CNTNAP5: variants seen among roughly 807,000 people sequenced by gnomAD.
CNTNAP5 encodes the protein contactin associated protein family member 5, also known as contactin-associated protein-like 5.
CNTNAP5 carries 72 observed loss-of-function variants against 150.2 expected under a neutral mutation model. The ratio of observed to expected loss-of-function variants is 0.48; its 90% CI spans 0.40 to 0.58. The LOEUF is 0.58. Ranked by LOEUF, CNTNAP5 falls within the 20% of genes least tolerant of loss-of-function variation. The pLI, the probability that CNTNAP5 is intolerant of heterozygous loss-of-function variation, is 0.00. For missense variants in CNTNAP5, 1,636 were observed against 1,626.2 expected (o/e 1.01, Z -0.10); for synonymous variants, 672 against 619.8 (o/e 1.08, Z -1.25).
At chr2:124,672,831 TATAA>T (rs1353941675) in intron 13 of CNTNAP5, among the ~76,000 whole-genome samples, 2 of 152,022 alleles carry the variant, frequency 1.3e-5, no homozygotes, top group African/African-American at 2.4e-5. Flanking sequence ...TTTAAAGAAA[TATAA>T]ATAATTTCTC....
At chr2:124,771,551 T>C (rs1681192481) in intron 16 of CNTNAP5, among the ~76,000 whole-genome samples, 1 of 152,166 alleles carries the variant, frequency 6.6e-6, no homozygotes, top group Admixed American at 6.6e-5. Flanking sequence ...ATAGGGTGGT[T>C]TTGTGTATTA....
chr2:124,711,541 A>G (rs1679808265), intron 13 of CNTNAP5, among the ~76,000 whole-genome samples: 1 of 152,190 alleles, frequency 6.6e-6, no homozygotes, highest in African/African-American at 2.4e-5. Context: ...AACAGGCAAC[A>G]TGGCTTAAGC....
intron 3 of CNTNAP5, among the ~76,000 whole-genome samples, chr2:124,288,330 C>T (rs767074479): frequency 2.0e-5 from 3 of 152,144 alleles, no homozygotes; most frequent in Non-Finnish European, 4.4e-5. Context: ...CTGCTCAATT[C>T]ACCAATTATA....
intron 21 of CNTNAP5, among the ~76,000 whole-genome samples, chr2:124,892,558 G>A (rs1558815941): frequency 6.6e-6 from 1 of 152,172 alleles, no homozygotes; most frequent in South Asian, 2.1e-4. Context: ...GTAGGAGGCA[G>A]AGAAGGGACC....
intron 10 of CNTNAP5, among the ~76,000 whole-genome samples, chr2:124,538,292 A>G (rs936548548): frequency 1.3e-5 from 2 of 152,158 alleles, no homozygotes; most frequent in Non-Finnish European, 2.9e-5. Context: ...CAGCCTGTCC[A>G]ACACAGCAAA....
chr2:124,715,041 A>C (rs932040547), intron 13 of CNTNAP5, among the ~76,000 whole-genome samples: 2 of 152,198 alleles, frequency 1.3e-5, no homozygotes, highest in Non-Finnish European at 2.9e-5. Context: ...ACAAGACAGT[A>C]GGACATTGCA....
At chr2:124,888,111 C>T (rs1012298727) in intron 21 of CNTNAP5, among the ~76,000 whole-genome samples, 1 of 152,052 alleles carries the variant, frequency 6.6e-6, no homozygotes, top group Non-Finnish European at 1.5e-5. Context: ...AACCCTTTCT[C>T]CCTTTTAATA....
At chr2:124,880,139 C>G (rs1251997760) in intron 21 of CNTNAP5, among the ~76,000 whole-genome samples, 1 of 152,076 alleles carries the variant, frequency 6.6e-6, no homozygotes, top group African/African-American at 2.4e-5. Flanking sequence ...AGTTTTAAAA[C>G]AGATTAACAT....
intron 1 of CNTNAP5, among the ~76,000 whole-genome samples, chr2:124,154,233 G>A (rs1266475867): frequency 2.0e-5 from 3 of 152,130 alleles, no homozygotes; most frequent in Admixed American, 2.0e-4. Context: ...GAGCCAGAAT[G>A]AGCCTGGTTA....
At chr2:124,294,759 A>G (rs1688379319) in intron 3 of CNTNAP5, among the ~76,000 whole-genome samples, 1 of 152,254 alleles carries the variant, frequency 6.6e-6, no homozygotes, top group Non-Finnish European at 1.5e-5. Flanking sequence ...TTTCACTTTA[A>G]TGTGGAAGTG....
At chr2:124,606,651 G>GA (rs1219676606) in intron 11 of CNTNAP5, among the ~76,000 whole-genome samples, 1 of 152,192 alleles carries the variant, frequency 6.6e-6, no homozygotes, top group East Asian at 1.9e-4. Flanking sequence ...CCATGGCTGG[G>GA]AAAACCTCAC....
intron 2 of CNTNAP5, among the ~76,000 whole-genome samples, chr2:124,223,377 T>C (rs546248061): frequency 2.8e-4 from 43 of 152,224 alleles, no homozygotes; most frequent in Non-Finnish European, 5.3e-4. Flanking sequence ...CCAACCTCAG[T>C]TTTTTATCTG....
chr2:124,510,518 T>TATACACAC (rs10641959), intron 8 of CNTNAP5, among the ~76,000 whole-genome samples: 4 of 124,916 alleles, frequency 3.2e-5, no homozygotes, highest in African/African-American at 1.3e-4. Context: ...TATATATATA[T>TATACACAC]ACATATATCT....
intron 1 of CNTNAP5, among the ~76,000 whole-genome samples, chr2:124,089,018 C>G (rs6719625): frequency 6.6e-6 from 1 of 152,184 alleles, no homozygotes; most frequent in Non-Finnish European, 1.5e-5. Context: ...TTTTGGGGCA[C>G]TTTTCATCTA....
At chr2:124,561,550 G>T (rs1162786665) in intron 10 of CNTNAP5, among the ~76,000 whole-genome samples, 1 of 151,978 alleles carries the variant, frequency 6.6e-6, no homozygotes, top group Admixed American at 6.6e-5. Flanking sequence ...TTGTTTGTTT[G>T]GTTGTTTTGT....
intron 19 of CNTNAP5, among the ~76,000 whole-genome samples, chr2:124,858,152 G>A (rs1677421804): frequency 6.6e-6 from 1 of 152,108 alleles, no homozygotes; most frequent in African/African-American, 2.4e-5. Flanking sequence ...CACAAGACTG[G>A]GATGCCCTCT....
intron 17 of CNTNAP5, among the ~76,000 whole-genome samples, chr2:124,785,058 C>T (rs75037445): frequency 2.5e-5 from 3 of 120,414 alleles, no homozygotes; most frequent in Admixed American, 8.5e-5. Context: ...AAAAAAAAAA[C>T]AAAAGAAAAA....
chr2:124,435,509 T>C (rs1016374789), intron 5 of CNTNAP5, among the ~76,000 whole-genome samples: 2 of 151,586 alleles, frequency 1.3e-5, no homozygotes, highest in African/African-American at 4.9e-5. Flanking sequence ...AAGAAAGAGA[T>C]AAGCTGAAAA....
At chr2:124,125,553 C>T (rs77075261) in intron 1 of CNTNAP5, among the ~76,000 whole-genome samples, 1 of 152,138 alleles carries the variant, frequency 6.6e-6, no homozygotes, top group African/African-American at 2.4e-5. Context: ...CAGATCTGCA[C>T]CAAGTGGACC....
Sources: allele counts gnomAD v4.1 joint callset (sites outside exome capture counted in the v4.1 genomes callset), GRCh38; gene constraint gnomAD v4.1.1; transcripts MANE v1.5; gene names NCBI Gene and HGNC (gene_info 2026-07-23, HGNC 2026-07-21).